Variants in ANKLE2 observed in about 807,000 individuals in gnomAD.
ANKLE2 encodes ankyrin repeat and LEM domain-containing protein 2.
ANKLE2 carries 55 observed loss-of-function variants against 84.2 expected under a neutral mutation model. The ratio of observed to expected loss-of-function variants is 0.65; its 90% CI spans 0.53 to 0.82. The LOEUF (loss-of-function observed/expected upper bound fraction) is 0.82. ANKLE2 is among the 40% of genes least tolerant of loss of function. ANKLE2 has a pLI of 0.00. For synonymous variants in ANKLE2, 551 were observed against 486.1 expected (o/e 1.13, Z -1.76); for missense variants, 1,238 against 1,201.9 (o/e 1.03, Z -0.44).
chr12:132,759,244 A>T (rs919784805), intron 1 of ANKLE2: 1 of 145,832 alleles, frequency 6.9e-6, no homozygotes, highest in African/African-American at 2.5e-5. Context: ...GGCAGAGAGG[A>T]TCGCTGCGGA....
chr12:132,748,109 A>G, intron 4 of ANKLE2, 29 bp downstream of exon 4: 3 of 1,608,286 alleles, frequency 1.9e-6, no homozygotes, highest in Non-Finnish European at 2.6e-6. Context: ...GGGACCGCAC[A>G]CCTGCCCGAG....
In ANKLE2 at chr12:132,743,348, TATTCATTCATTC is replaced by T; in HGVS notation, c.1231-84_1231-73del. On this transcript the variant is annotated intron_variant, in intron 5 of 12. Transcript: ENST00000357997. The surrounding 1 kb of genome is among the most constrained non-coding windows in gnomAD (Gnocchi z 4.1). ...GAGGTTGCTCTAAGGTGAAAATACA[TATTCATTCATTC>T]ATTCATTCATTTATTTATTTTGAGA... The T allele has an allele frequency of 6.8e-7, 1 of 1,468,988 alleles. No individual in the cohort carries two copies. Among genetic ancestry groups the T allele is most frequent in the African/African-American group, 1.4e-5 (1 of 69,924 alleles). 91.0% of individuals were successfully genotyped at this position (1,468,988 alleles called of 1,614,324 possible).
intron 3 of ANKLE2, among the ~76,000 whole-genome samples, chr12:132,749,761 T>C (rs1017096417): frequency 6.6e-6 from 1 of 152,220 alleles, no homozygotes; most frequent in African/African-American, 2.4e-5. Flanking sequence ...AGTTCTGAGC[T>C]GGGAGGTGGG....
rs773326383 is a variant in ANKLE2, at chr12:132,730,023, GC to G, written c.2138del (p.Gly713AlafsTer20). The G allele has an allele frequency of 6.2e-7, 1 of 1,613,286 alleles. No individual in the cohort carries two copies. The highest frequency in any genetic ancestry group is 8.5e-7 in the Non-Finnish European group (1 of 1,179,914). ...CCCCACGGGGGGCCTTTGGTCTCTT[GC>G]CCGCCAGGGTCCTGCTGTGATTCAG... ...HPLNHSRTLA[G>X]KRPKAPRGEE... is the part of the protein sequence containing the mutation. On this transcript the variant is annotated frameshift_variant, in exon 11 of 13. Coordinates refer to ENST00000357997, the MANE Select transcript of ANKLE2 (RefSeq NM_015114.3). LOFTEE classifies it high-confidence loss of function.
chr12:132,748,365 G>C, intron 3 of ANKLE2, 34 bp from the exon 4 acceptor site: 4 of 1,611,882 alleles, frequency 2.5e-6, no homozygotes, highest in Non-Finnish European at 3.4e-6. Context: ...AGAACAATCA[G>C]TTTCACCAAA....
chr12:132,741,251 A>T (rs1312245169), intron 7 of ANKLE2, among the ~76,000 whole-genome samples, 168 bp downstream of exon 7: 3 of 152,240 alleles, frequency 2.0e-5, no homozygotes, highest in Admixed American at 2.0e-4. Context: ...GTGGCAAATG[A>T]GCTAGGAGAG....
At position 132,747,830 on chromosome 12, in the gene ANKLE2, A is replaced by C. The variant is rs751896504; in HGVS notation, c.1230+2T>G. The C allele has an allele frequency of 6.3e-7, 1 of 1,592,808 alleles. No individual in the cohort carries two copies. Among genetic ancestry groups the C allele is most frequent in the Non-Finnish European group, 8.5e-7 (1 of 1,174,944 alleles). On this transcript the variant is annotated splice_donor_variant, in intron 5 of 12. Coordinates refer to ENST00000357997, the MANE Select transcript of ANKLE2 (RefSeq NM_015114.3). LOFTEE classifies it high-confidence loss of function. Reference sequence around the variant, plus strand: ...AAGCGTGAGTGGAGGGTGTGCACGCACCATCTTGTCGGGGGTGTTGAGGTA... The same window carrying C: ...AAGCGTGAGTGGAGGGTGTGCACGCCCCATCTTGTCGGGGGTGTTGAGGTA...
Position 132,744,826 on chromosome 12 carries a change from G to A in ANKLE2, c.1231-1550C>T, listed in dbSNP as rs562136226. On this transcript the variant is annotated intron_variant, in intron 5 of 12. Coordinates refer to ENST00000357997, the MANE Select transcript of ANKLE2 (RefSeq NM_015114.3). ...CTCCCCAGCAGCTGGGACTACAGGT[G>A]CCCGCCACCACGCCCAGCTAATTTT... Among the ~76,000 whole-genome samples, 45 of 152,224 alleles carry A rather than the reference G, an allele frequency of 3.0e-4. No homozygotes were observed. The South Asian group carries it at 3.7e-3, about 13-fold the overall frequency.
intron 2 of ANKLE2, among the ~76,000 whole-genome samples, chr12:132,752,969 G>A (rs1250743936): frequency 6.8e-6 from 1 of 147,776 alleles, no homozygotes; most frequent in Admixed American, 6.8e-5. Context: ...ACCAGACTAA[G>A]CAATAAAGCG....
chr12:132,756,974 G>A (rs372687380), intron 1 of ANKLE2: 1 of 151,822 alleles, frequency 6.6e-6, no homozygotes, highest in Non-Finnish European at 1.5e-5. Flanking sequence ...AAAGAAATAA[G>A]TAAATAAACA....
intron 2 of ANKLE2, among the ~76,000 whole-genome samples, chr12:132,753,727 C>A (rs539888685): frequency 6.6e-6 from 1 of 151,408 alleles, no homozygotes; most frequent in Non-Finnish European, 1.5e-5. Context: ...GGTGACAGTG[C>A]GAGACTCTGT....
chr12:132,736,803 G>A (rs1008286224), intron 8 of ANKLE2, 90 bp downstream of exon 8: 14 of 1,453,476 alleles, frequency 9.6e-6, no homozygotes, highest in African/African-American at 1.4e-5. Context: ...TGGTCCCTGA[G>A]ACCACGCACA....
intron 5 of ANKLE2, among the ~76,000 whole-genome samples, chr12:132,746,164 C>T (rs768838229): frequency 5.9e-5 from 9 of 152,084 alleles, no homozygotes; most frequent in Non-Finnish European, 7.4e-5. Flanking sequence ...CTGGCTAACA[C>T]GGTGAAACCC....
chr12:132,733,082 C>T (rs866829135), intron 10 of ANKLE2, among the ~76,000 whole-genome samples: 100 of 85,112 alleles, frequency 1.2e-3, no homozygotes, highest in African/African-American at 3.1e-3. Flanking sequence ...GTGTCTGATA[C>T]GCACCGTGTG....
intron 3 of ANKLE2, among the ~76,000 whole-genome samples, chr12:132,748,685 G>A (rs756404426): frequency 2.6e-5 from 4 of 152,108 alleles, no homozygotes; most frequent in Non-Finnish European, 5.9e-5. Context: ...TGTGAATGAG[G>A]CCAAGTTTGG....
chr12:132,761,049 C>T (rs2044613435), intron 1 of ANKLE2: 1 of 152,292 alleles, frequency 6.6e-6, no homozygotes. Context: ...GTATCAGTTA[C>T]CTCAAACTTA....
chr12:132,751,728 A>G (rs769590538), intron 2 of ANKLE2, among the ~76,000 whole-genome samples: 1 of 151,530 alleles, frequency 6.6e-6, no homozygotes, highest in Non-Finnish European at 1.5e-5. Context: ...TTTTTAGTAG[A>G]GACGGGGTTT....
rs1034110792 is a variant in ANKLE2 at position 132,747,976 on chromosome 12, G to A, written c.1086C>T (p.Asn362=). ...YNVMHVAAKE[N]QASICQLTLD... ...GAGTCAGCTGGCAGATGGAAGCCTGGTTCTCTTTGGCAGCAACATGCATCA... is the reference window on the plus strand; with the variant it reads ...GAGTCAGCTGGCAGATGGAAGCCTGATTCTCTTTGGCAGCAACATGCATCA... Residue 362 remains asparagine, a synonymous_variant, in exon 5 of 13, where the codon AAC becomes AAT. Transcript: ENST00000357997. 6.3e-6 allele frequency: 10 copies of A among 1,597,874 alleles called. No homozygotes were observed. In the East Asian group the frequency reaches 1.8e-4, roughly 29 times the overall value.
At chr12:132,755,197 G>A (rs1315455337) in intron 1 of ANKLE2, 64 bp from the exon 2 acceptor site, 2 of 1,378,824 alleles carry the variant, frequency 1.5e-6, no homozygotes, top group Non-Finnish European at 2.0e-6. Flanking sequence ...GCTGGGTGAT[G>A]GGTACTAGGG....
Sources: allele counts gnomAD v4.1 joint callset (sites outside exome capture counted in the v4.1 genomes callset), GRCh38; gene constraint gnomAD v4.1.1; non-coding constraint Gnocchi (gnomAD v3.1); transcripts MANE v1.5; gene names NCBI Gene and HGNC (gene_info 2026-07-23, HGNC 2026-07-21).